The following OR2AG2 variants were observed in gnomAD, a reference collection of about 807,000 sequenced individuals.
OR2AG2 encodes olfactory receptor family 2 subfamily AG member 2, also known as olfactory receptor 2AG2.
For synonymous variants in OR2AG2, 167 were observed against 157.1 expected, an observed-to-expected ratio of 1.06 and a Z score of -0.47; for missense variants, 390 against 391.9, an observed-to-expected ratio of 1.00 and a Z score of 0.04.
rs773769956 is a variant in OR2AG2 at position 6,768,489 on chromosome 11, T to C, written c.469A>G (p.Ile157Val). Residue 157 changes from isoleucine to valine, a missense_variant, in exon 2 of 2, where the codon ATA (isoleucine) becomes GTA (valine). Coordinates refer to ENST00000641124, the MANE Select transcript of OR2AG2 (RefSeq NM_001004490.2). ...TGCATAGTGTACATGGTATGTCCTA[T>C]AGCAATCAGGGATGCCAGGATCCAG... is the stretch of plus-strand genomic sequence containing the variant. ...TSWILASLIA[I>V]GHTMYTMHLP... 4 of 1,613,980 alleles carry C rather than the reference T, an allele frequency of 2.5e-6. No individual in the cohort carries two copies. The highest frequency in any genetic ancestry group is 1.3e-5 in the African/African-American group (1 of 74,900).
Position 6,768,858 on chromosome 11 carries a change from G to A in OR2AG2, c.100C>T (p.Leu34=), listed in dbSNP as rs1277255355. The change falls in exon 2 of 2, where the codon CTA becomes TTA. Residue 34 remains leucine, a synonymous_variant. Transcript: ENST00000641124. The stretch of plus-strand genomic sequence containing the variant: ...TTGCTGGTCAGTGCCAACATGTATA[G>A]GATTGTAAATGTAGCATAGAGCAGT... ...PELLYATFTI[L]YMLALTSNGL... 6.2e-7 allele frequency: 1 copy of A among 1,614,072 alleles called. No individual in the cohort carries two copies. Among genetic ancestry groups the A allele is most frequent in the Non-Finnish European group, 8.5e-7 (1 of 1,179,966 alleles).
In OR2AG2 at chr11:6,768,434, C is replaced by G. The variant is rs759022098; in HGVS notation, c.524G>C (p.Arg175Thr). ...HLPFCVSWEI[R>T]HLLCEIPPLL... ...GGGTGGGATCTCACAGAGCAGATGC[C>G]TGATTTCCCAGGACACACAGAAAGG... is the stretch of plus-strand genomic sequence containing the variant. The change falls in exon 2 of 2, where the codon AGG becomes ACG. Residue 175 changes from arginine to threonine, a missense_variant. Arg to Thr is a moderately conservative substitution (Grantham distance 71). Transcript: ENST00000641124. 10 of 1,614,010 alleles carry G rather than the reference C, an allele frequency of 6.2e-6. No individual in the cohort carries two copies. In the African/African-American group the frequency reaches 1.2e-4, roughly 19 times the overall value.
Position 6,768,798 on chromosome 11 carries a change from G to C in OR2AG2, c.160C>G (p.Arg54Gly). The stretch of plus-strand genomic sequence containing the variant: ...AGGAGGTACATGGGCATGTGGAGCC[G>C]GGCTTCTATGGTGATGGCCAGGAGC... ...LLLLAITIEARLHMPMYLLLG... is the reference protein window; with the variant it reads ...LLLLAITIEAGLHMPMYLLLG... Residue 54 changes from arginine to glycine, a missense_variant, in exon 2 of 2, where the codon CGG (arginine) becomes GGG (glycine). By Grantham distance (125) the Arg-to-Gly change is moderately radical. Coordinates refer to ENST00000641124, the MANE Select transcript of OR2AG2 (RefSeq NM_001004490.2). The C allele has an allele frequency of 6.2e-7, 1 of 1,614,082 alleles. No individual in the cohort carries two copies. Among genetic ancestry groups the C allele is most frequent in the Non-Finnish European group, 8.5e-7 (1 of 1,179,998 alleles).
At chr11:6,769,621 G>A (rs763322991) in intron 1 of OR2AG2, 127 bp from the exon 2 acceptor site, 2 of 152,290 alleles carry the variant, frequency 1.3e-5, no homozygotes, top group Non-Finnish European at 2.9e-5. Flanking sequence ...GAAACAGGCA[G>A]GAATAAAGGC....
At position 6,766,535 on chromosome 11, in the gene OR2AG2, A is replaced by G. The variant is rs1164701764; in HGVS notation, c.*1472T>C. The G allele has an allele frequency of 6.6e-6, 1 of 152,144 alleles. No homozygotes were observed. The highest frequency in any genetic ancestry group is 2.4e-5 in the African/African-American group (1 of 41,454). The allele number at this position is 152,144 out of a possible 1,614,324, so 9.4% of individuals were successfully genotyped here. ...TTTATTTTTTATGGTTTAGCTTTAT[A>G]GATTAAATAATGTAATATTATTTCT... On this transcript the variant is annotated 3_prime_UTR_variant, in exon 2 of 2. Coordinates refer to ENST00000641124, the MANE Select transcript of OR2AG2 (RefSeq NM_001004490.2).
At position 6,768,272 on chromosome 11, in the gene OR2AG2, G is replaced by A. The variant is rs919690372; in HGVS notation, c.686C>T (p.Pro229Leu). Residue 229 changes from proline (P) to leucine (L), a missense_variant, in exon 2 of 2, where the codon CCA becomes CTA. Coordinates refer to ENST00000641124, the MANE Select transcript of OR2AG2 (RefSeq NM_001004490.2). The part of the protein sequence containing the change: ...TLVLFTVLRM[P>L]SNEGRKKALV... ...GGCTTTCTTCCTCCCCTCATTTGATGGCATACGAAGCACAGTGAATAGGAC... is the reference window on the plus strand; with the variant it reads ...GGCTTTCTTCCTCCCCTCATTTGATAGCATACGAAGCACAGTGAATAGGAC... The A allele has an allele frequency of 2.5e-6, 4 of 1,614,086 alleles. No individual in the cohort carries two copies. Among genetic ancestry groups the A allele is most frequent in the East Asian group, 2.2e-5 (1 of 44,862 alleles).
chr11:6,770,815 C>G (rs1045206725), intron 1 of OR2AG2, among the ~76,000 whole-genome samples: 2 of 152,164 alleles, frequency 1.3e-5, no homozygotes, highest in African/African-American at 2.4e-5. Context: ...GATGTTTGGA[C>G]AGGATTTCAA....
In OR2AG2 at chr11:6,768,474, A is replaced by T; in HGVS notation, c.484T>A (p.Tyr162Asn). 1 of 1,614,192 alleles carries T rather than the reference A, an allele frequency of 6.2e-7. No individual in the cohort carries two copies. Among genetic ancestry groups the T allele is most frequent in the Admixed American group, 1.7e-5 (1 of 60,030 alleles). ...ASLIAIGHTM[Y>N]TMHLPFCVSW... is the part of the protein sequence containing the mutation. The stretch of plus-strand genomic sequence containing the variant: ...ACACAGAAAGGGAGGTGCATAGTGT[A>T]CATGGTATGTCCTATAGCAATCAGG... Residue 162 changes from tyrosine to asparagine, a missense_variant, in exon 2 of 2, where the codon TAC becomes AAC. Physicochemically the swap from Tyr to Asn is moderately radical, Grantham distance 143 (BLOSUM62 -2). Transcript: ENST00000641124.
rs770339299 is a variant in OR2AG2, at chr11:6,768,077, T to C, written c.881A>G (p.Asn294Ser). 6.2e-7 allele frequency: 1 copy of C among 1,614,090 alleles called. No homozygotes were observed. The highest frequency in any genetic ancestry group is 8.5e-7 in the Non-Finnish European group (1 of 1,180,004). ...ALNPLIYSLR[N>S]KEVMRALRRV... ...CCTCAAGGCCCGCATGACCTCCTTATTCCTCAGGCTGTAGATGAGTGGATT... is the reference window on the plus strand; with the variant it reads ...CCTCAAGGCCCGCATGACCTCCTTACTCCTCAGGCTGTAGATGAGTGGATT... Residue 294 changes from asparagine to serine, a missense_variant, in exon 2 of 2, where the codon AAT (asparagine) becomes AGT (serine). Physicochemically the swap from Asn to Ser is conservative, Grantham distance 46. Transcript: ENST00000641124.
At position 6,767,548 on chromosome 11, in the gene OR2AG2, A is replaced by G. The variant is rs7936463; in HGVS notation, c.*459T>C. Reference sequence around the variant, plus strand: ...ATATCTTCTGAAAATTCTTCCCTCTATTAGTAGTTTAAGAATCTGCTTCAA... The same window carrying G: ...ATATCTTCTGAAAATTCTTCCCTCTGTTAGTAGTTTAAGAATCTGCTTCAA... On this transcript the variant is annotated 3_prime_UTR_variant, in exon 2 of 2. Coordinates refer to ENST00000641124, the MANE Select transcript of OR2AG2 (RefSeq NM_001004490.2). The G allele has an allele frequency of 0.35, 55,592 of 157,686 alleles. 10,094 individuals carry two copies. The highest frequency in any genetic ancestry group is 0.46 in the Middle Eastern group (142 of 312). The allele number at this position is 157,686 out of a possible 1,614,324, so 9.8% of individuals were successfully genotyped here. A position where few individuals can be genotyped will look rare whatever the true frequency, so the allele number is the denominator to read the frequency against.
At position 6,768,578 on chromosome 11, in the gene OR2AG2, C is replaced by A; in HGVS notation, c.380G>T (p.Cys127Phe). 6.2e-7 allele frequency: 1 copy of A among 1,614,118 alleles called. No individual in the cohort carries two copies. Among genetic ancestry groups the A allele is most frequent in the South Asian group, 1.1e-5 (1 of 91,080 alleles). Residue 127 changes from cysteine (C) to phenylalanine (F), a missense_variant, in exon 2 of 2, where the codon TGT becomes TTT. Transcript: ENST00000641124. ...FMAYDRYVAI[C>F]HPLKYMTLMS... ...GAGGGTCATGTATTTCAGAGGATGA[C>A]AAATGGCCACATACCTGTCATAGGC...
In OR2AG2 at chr11:6,768,936, A is replaced by G. The variant is rs1847415284; in HGVS notation, c.22T>C (p.Leu8=). The change falls in exon 2 of 2, where the codon TTG becomes CTG. Residue 8 remains leucine (L), a synonymous_variant. Transcript: ENST00000641124. MELRNST[L]GSGFILVGIL... is the part of the protein sequence containing the mutation. ...CCCACCAAGATGAAGCCGCTTCCCA[A>G]GGTGGAGTTCCGGAGCTCCATGATG... 3 of 1,610,944 alleles carry G rather than the reference A, an allele frequency of 1.9e-6. No homozygotes were observed. Among genetic ancestry groups the G allele is most frequent in the Non-Finnish European group, 2.5e-6 (3 of 1,177,390 alleles).
At position 6,769,173 on chromosome 11, in the gene OR2AG2, G is replaced by A; in HGVS notation, c.-216C>T. ...AAACTGGTATCAGGTATTTTGACAT[G>A]TTGTTAATAGTAATCATTTAGAAAT... is the stretch of plus-strand genomic sequence containing the variant. On this transcript the variant is annotated 5_prime_UTR_variant, in exon 2 of 2. Transcript: ENST00000641124. The A allele has an allele frequency of 2.0e-6, 1 of 497,612 alleles. No individual in the cohort carries two copies. The highest frequency in any genetic ancestry group is 3.5e-6 in the Non-Finnish European group (1 of 284,010). The allele number at this position is 497,612 out of a possible 1,614,324, so 30.8% of individuals were successfully genotyped here. A position where few individuals can be genotyped will look rare whatever the true frequency, so the allele number is the denominator to read the frequency against.
Position 6,768,877 on chromosome 11 carries a change from G to C in OR2AG2, c.81C>G (p.Leu27=). The change falls in exon 2 of 2, where the codon CTC becomes CTG. Residue 27 remains leucine (L), a synonymous_variant. Transcript: ENST00000641124. ...ILNDSGSPEL[L]YATFTILYML... is the part of the protein sequence containing the mutation. ...TGTATAGGATTGTAAATGTAGCATA[G>C]AGCAGTTCAGGAGACCCACTGTCAT... The C allele has an allele frequency of 1.2e-6, 2 of 1,614,074 alleles. No individual in the cohort carries two copies. Among genetic ancestry groups the C allele is most frequent in the Non-Finnish European group, 1.7e-6 (2 of 1,179,962 alleles).
Position 6,768,665 on chromosome 11 carries a change from G to A in OR2AG2, c.293C>T (p.Ala98Val). ...RENTISFGGC[A>V]LQMFLALTMG... ...TGTCAGTGCCAGGAACATCTGAAGT[G>A]CACAGCCTCCAAAGGAGATAGTGTT... The change falls in exon 2 of 2, where the codon GCA (alanine) becomes GTA (valine). Residue 98 changes from alanine to valine, a missense_variant. Coordinates refer to ENST00000641124, the MANE Select transcript of OR2AG2 (RefSeq NM_001004490.2). 1 of 1,614,164 alleles carries A rather than the reference G, an allele frequency of 6.2e-7. No individual in the cohort carries two copies. Among genetic ancestry groups the A allele is most frequent in the Non-Finnish European group, 8.5e-7 (1 of 1,180,004 alleles).
At chr11:6,771,554 G>A (rs1847447712) in intron 1 of OR2AG2, 68 bp downstream of exon 1, 2 of 152,240 alleles carry the variant, frequency 1.3e-5, no homozygotes, top group Non-Finnish European at 2.9e-5. Context: ...GCAGTGTAAG[G>A]TCTTGACCCT....
At chr11:6,771,312 T>C (rs1191511912) in intron 1 of OR2AG2, among the ~76,000 whole-genome samples, 1 of 152,210 alleles carries the variant, frequency 6.6e-6, no homozygotes, top group African/African-American at 2.4e-5. Context: ...ATTTGGGGAC[T>C]CACATCAAAC....
Position 6,771,630 on chromosome 11 carries a change from G to A in OR2AG2, c.-546C>T, listed in dbSNP as rs928909212. 6.6e-6 allele frequency: 1 copy of A among 152,240 alleles called. No homozygotes were observed. Among genetic ancestry groups the A allele is most frequent in the Non-Finnish European group, 1.5e-5 (1 of 68,080 alleles). 9.4% of individuals were successfully genotyped at this position (152,240 alleles called of 1,614,324 possible). On this transcript the variant is annotated 5_prime_UTR_variant, in exon 1 of 2. Transcript: ENST00000641124. ...GGAGACAGAGCCCTTACCTCATATG[G>A]GAAGGGGCATAGCTTCCAGGTAAAG...
intron 1 of OR2AG2, among the ~76,000 whole-genome samples, chr11:6,769,740 G>A (rs1464116216): frequency 6.6e-6 from 1 of 152,072 alleles, no homozygotes; most frequent in African/African-American, 2.4e-5. Flanking sequence ...AAGCAATAGC[G>A]TTACCTGTGA....
Sources: gnomAD v4.1 joint callset for allele counts (sites outside exome capture counted in the v4.1 genomes callset) on GRCh38, gnomAD v4.1.1 for gene constraint, MANE v1.5 for transcripts, NCBI Gene and HGNC (gene_info 2026-07-23, HGNC 2026-07-21) for gene names.